The following SNX13 variants were observed in gnomAD, a reference collection of about 807,000 sequenced individuals.
SNX13 encodes sorting nexin-13.
Under a neutral mutation model 133.6 loss-of-function variants are expected in SNX13, and 45 were observed. The observed-to-expected ratio is 0.34, with a 90% CI of 0.27 to 0.43. The LOEUF (loss-of-function observed/expected upper bound fraction) is 0.43, where lower values mean the gene tolerates loss of function less well. Among genes scored for constraint, SNX13 ranks in the 20% least tolerant of loss-of-function variants. The probability of loss-of-function intolerance (pLI) is 1.00; values close to 1 mark genes in which losing one functional copy is unlikely to be tolerated. For missense variants in SNX13, 1,032 were observed against 1,145.1 expected (o/e 0.90, Z 1.43); for synonymous variants, 414 against 373.9 (o/e 1.11, Z -1.24).
At position 17,850,203 on chromosome 7, in the gene SNX13, T is replaced by C. The variant is rs1791044821; in HGVS notation, c.1065+144A>G. On this transcript the variant is annotated intron_variant, in intron 11 of 25. Transcript: ENST00000428135. The stretch of plus-strand genomic sequence containing the variant: ...TGTTTTAACAAATATTTATATCACA[T>C]TGTAGAAGAGAAAACTCTTTTTAAA... The C allele has an allele frequency of 1.3e-5, 5 of 398,330 alleles. No individual in the cohort carries two copies. In the Admixed American group the frequency reaches 1.3e-4, roughly 11 times the overall value. The allele number at this position is 398,330 out of a possible 1,614,324, so 24.7% of individuals were successfully genotyped here.
At chr7:17,804,662 A>G (rs1199352371) in intron 20 of SNX13, among the ~76,000 whole-genome samples, 2 of 152,044 alleles carry the variant, frequency 1.3e-5, no homozygotes, top group Admixed American at 1.3e-4. Flanking sequence ...AGACTGAGCG[A>G]TTCTTTAACA....
rs184459414 is a variant in SNX13, at chr7:17,794,066, C to G, written c.2853G>C (p.Ala951=). 10 of 1,611,170 alleles carry G rather than the reference C, an allele frequency of 6.2e-6. No homozygotes were observed. The highest frequency in any genetic ancestry group is 1.7e-5 in the Admixed American group (1 of 59,716). The change falls in exon 26 of 26, where the codon GCG becomes GCC. Residue 951 remains alanine, a synonymous_variant. Coordinates refer to ENST00000428135, the MANE Select transcript of SNX13 (RefSeq NM_015132.5). ...KYKQKLQTTQ[A]PSLQKR is the part of the protein sequence containing the mutation. ...AGTGTCACCTTTTCTGCAAAGAAGG[C>G]GCTTGAGTAGTTTGAAGTTTCTGTT...
chr7:17,891,793 C>T lies in SNX13; in HGVS notation c.229-158G>A, dbSNP rs567043698. Among the ~76,000 whole-genome samples, 4 of 152,122 alleles carry T rather than the reference C, an allele frequency of 2.6e-5. No individual in the cohort carries two copies. The East Asian group carries it at 7.7e-4, about 29-fold the overall frequency. Reference sequence around the variant, plus strand: ...ACTCTATAAGCCAAACACTATTTCTCAAGTTAACAAAATTAGACACTCCCA... The same window carrying T: ...ACTCTATAAGCCAAACACTATTTCTTAAGTTAACAAAATTAGACACTCCCA... On this transcript the variant is annotated intron_variant, in intron 3 of 25. Coordinates refer to ENST00000428135, the MANE Select transcript of SNX13 (RefSeq NM_015132.5).
chr7:17,852,373 A>AAAAAG (rs1258058500), intron 9 of SNX13, among the ~76,000 whole-genome samples: 2 of 152,150 alleles, frequency 1.3e-5, no homozygotes, highest in South Asian at 2.1e-4. Context: ...ATTCCGTCTC[A>AAAAAG]AAAAGAAAAG....
intron 1 of SNX13, chr7:17,899,722 T>C (rs71524225): frequency 6.6e-6 from 1 of 152,116 alleles, no homozygotes; most frequent in Non-Finnish European, 1.5e-5. Context: ...TTATCTTGAA[T>C]TTTGTTGTAC....
At chr7:17,864,072 T>C (rs969242808) in intron 9 of SNX13, among the ~76,000 whole-genome samples, 82 of 152,112 alleles carry the variant, frequency 5.4e-4, no homozygotes, top group African/African-American at 1.9e-3. Context: ...ATGGTACAAA[T>C]AAGCCCAGAT....
chr7:17,816,298 CA>C lies in SNX13; in HGVS notation c.1846-10del. On this transcript the variant is annotated splice_polypyrimidine_tract_variant and intron_variant, in intron 18 of 25. Coordinates refer to ENST00000428135, the MANE Select transcript of SNX13 (RefSeq NM_015132.5). ...CTTGAGAGACTTTCAAACTGTAAGA[CA>C]AAATACATTCAATAGCACTTTTTAT... is the stretch of plus-strand genomic sequence containing the variant. The C allele has an allele frequency of 1.3e-6, 2 of 1,533,186 alleles. No homozygotes were observed. Among genetic ancestry groups the C allele is most frequent in the Non-Finnish European group, 1.8e-6 (2 of 1,138,382 alleles). 95.0% of individuals were successfully genotyped at this position (1,533,186 alleles called of 1,614,324 possible). A position where few individuals can be genotyped will look rare whatever the true frequency, so the allele number is the denominator to read the frequency against.
At chr7:17,831,591 T>C (rs985973507) in intron 15 of SNX13, 35 of 984,014 alleles carry the variant, frequency 3.6e-5, no homozygotes, top group Admixed American at 6.2e-5. Flanking sequence ...TACAGTACTA[T>C]ACCATATGAT....
intron 9 of SNX13, among the ~76,000 whole-genome samples, chr7:17,859,006 A>G (rs1792284045): frequency 6.6e-6 from 1 of 152,154 alleles, no homozygotes; most frequent in Non-Finnish European, 1.5e-5. Flanking sequence ...AAAACTTAGC[A>G]TAGGCAAATA....
intron 1 of SNX13, among the ~76,000 whole-genome samples, chr7:17,917,653 C>T (rs551488662): frequency 1.4e-4 from 21 of 150,628 alleles, no homozygotes; most frequent in Admixed American, 1.1e-3. Context: ...AGAGAAGACA[C>T]AAACAGGAAA....
chr7:17,823,746 A>G (rs934347792), intron 17 of SNX13, among the ~76,000 whole-genome samples: 1 of 152,150 alleles, frequency 6.6e-6, no homozygotes, highest in South Asian at 2.1e-4. Flanking sequence ...GAGAACCACC[A>G]TTTCTCAATG....
rs1790640273 is a variant in SNX13 at position 17,847,138 on chromosome 7, G to C, written c.1066-1444C>G. Among the ~76,000 whole-genome samples the C allele has an allele frequency of 2.0e-5, 3 of 152,234 alleles. No homozygotes were observed. The South Asian group carries it at 6.2e-4, about 32-fold the overall frequency. ...CCTCTGAGATCTAGATAAGGAAGTAGTTAAAGAAAAGCACAAGTGAAACCG... is the reference window on the plus strand; with the variant it reads ...CCTCTGAGATCTAGATAAGGAAGTACTTAAAGAAAAGCACAAGTGAAACCG... On this transcript the variant is annotated intron_variant, in intron 11 of 25. Transcript: ENST00000428135.
chr7:17,878,829 GCTTT>G (rs1156587882), intron 5 of SNX13, among the ~76,000 whole-genome samples: 1 of 151,944 alleles, frequency 6.6e-6, no homozygotes, highest in Non-Finnish European at 1.5e-5. Context: ...AGATTCACAG[GCTTT>G]CTTTCCATTT....
chr7:17,803,614 A>AT (rs1282655489), intron 20 of SNX13, 34 bp from the exon 21 acceptor site: 1 of 1,555,054 alleles, frequency 6.4e-7, no homozygotes, highest in African/African-American at 1.4e-5. Context: ...CCATGACTTT[A>AT]TTGTACCAGA....
chr7:17,828,199 C>T (rs757388075), intron 16 of SNX13, among the ~76,000 whole-genome samples: 13 of 151,522 alleles, frequency 8.6e-5, no homozygotes, highest in South Asian at 2.1e-4. Flanking sequence ...TTATAGTGCA[C>T]GTAAATATCA....
At chr7:17,867,463 C>T (rs537450156) in intron 9 of SNX13, among the ~76,000 whole-genome samples, 3 of 151,970 alleles carry the variant, frequency 2.0e-5, no homozygotes, top group Non-Finnish European at 2.9e-5. Flanking sequence ...AAAAAATTAG[C>T]GGGATGTGGT....
At chr7:17,872,294 TGAAA>T (rs1219895868) in intron 8 of SNX13, among the ~76,000 whole-genome samples, 1 of 151,916 alleles carries the variant, frequency 6.6e-6, no homozygotes, top group Admixed American at 6.6e-5. Context: ...ACCAGTGACA[TGAAA>T]GAAAGGAGAA....
At chr7:17,825,918 C>T (rs980453600) in intron 17 of SNX13, 104 bp downstream of exon 17, 2 of 733,312 alleles carry the variant, frequency 2.7e-6, no homozygotes, top group African/African-American at 3.6e-5. Context: ...AAAACTATGA[C>T]TAGAGAACAA....
intron 12 of SNX13, 113 bp from the exon 13 acceptor site, chr7:17,840,113 A>G (rs1001879658): frequency 1.3e-6 from 1 of 799,198 alleles, no homozygotes; most frequent in Non-Finnish European, 1.8e-6. Context: ...AAAACTCCAC[A>G]TTTTGAAAAT....
Sources: gnomAD v4.1 joint callset for allele counts (sites outside exome capture counted in the v4.1 genomes callset) on GRCh38, gnomAD v4.1.1 for gene constraint, MANE v1.5 for transcripts, NCBI Gene and HGNC (gene_info 2026-07-23, HGNC 2026-07-21) for gene names.